Variants in AFAP1 observed in about 807,000 individuals in gnomAD.
The protein encoded by AFAP1 is actin filament associated protein 1.
Under a neutral mutation model 93.9 loss-of-function variants are expected in AFAP1, and 75 were observed. That is an observed-to-expected ratio of 0.80 (90% CI 0.66 to 0.97). The LOEUF (loss-of-function observed/expected upper bound fraction) is 0.97, where lower values mean the gene tolerates loss of function less well. AFAP1 is among the 50% of genes least tolerant of loss of function. The pLI is 0.00. For missense variants in AFAP1, 1,201 were observed against 1,050.8 expected, an observed-to-expected ratio of 1.14 and a Z score of -1.98; for synonymous variants, 517 against 430.7, an observed-to-expected ratio of 1.20 and a Z score of -2.48.
intron 14 of AFAP1, chr4:7,778,336 C>T (rs1267906831): frequency 3.8e-6 from 1 of 264,354 alleles, no homozygotes. Context: ...ATTACCTCAG[C>T]TATTCCAACC....
At chr4:7,930,252 C>A (rs747937516) in intron 1 of AFAP1, among the ~76,000 whole-genome samples, 7 of 152,216 alleles carry the variant, frequency 4.6e-5, no homozygotes, top group Non-Finnish European at 8.8e-5. Context: ...TCCCATGCCC[C>A]TGGGAGTGCC....
At chr4:7,793,455 T>C (rs995272665) in intron 11 of AFAP1, among the ~76,000 whole-genome samples, 24 of 152,186 alleles carry the variant, frequency 1.6e-4, no homozygotes, top group Non-Finnish European at 7.4e-5. Context: ...AAATATTTAC[T>C]ATCTAAGTCC....
chr4:7,923,803 C>G (rs963860945), intron 1 of AFAP1, among the ~76,000 whole-genome samples: 22 of 152,240 alleles, frequency 1.4e-4, no homozygotes, highest in African/African-American at 5.1e-4. Context: ...CCTGTCAGAC[C>G]AGGGCCCACG....
intron 1 of AFAP1, among the ~76,000 whole-genome samples, chr4:7,904,929 G>A (rs538360485): frequency 2.8e-4 from 42 of 152,124 alleles, no homozygotes; most frequent in Non-Finnish European, 5.7e-4. Context: ...GACTGGTCCC[G>A]AACTCTGGGC....
At chr4:7,874,877 T>C (rs115926555) in intron 1 of AFAP1, among the ~76,000 whole-genome samples, 1 of 152,110 alleles carries the variant, frequency 6.6e-6, no homozygotes, top group South Asian at 2.1e-4. Flanking sequence ...GTTAACATAA[T>C]AGGTTTATTG....
chr4:7,777,763 T>C (rs907336759), intron 14 of AFAP1: 1 of 152,242 alleles, frequency 6.6e-6, no homozygotes, highest in Non-Finnish European at 1.5e-5. Flanking sequence ...TTCCTGGACA[T>C]GCCCAGATGG....
chr4:7,808,439 T>A (rs530132225), intron 9 of AFAP1, among the ~76,000 whole-genome samples: 98 of 152,302 alleles, frequency 6.4e-4, no homozygotes, highest in Admixed American at 1.6e-3. Context: ...CTTGTACTTA[T>A]CTTTTGCTAC....
chr4:7,778,764 G>A lies in AFAP1; in HGVS notation c.1895C>T (p.Ser632Leu), dbSNP rs762810766. 31 of 1,613,610 alleles carry A rather than the reference G, an allele frequency of 1.9e-5. No individual in the cohort carries two copies. The South Asian group carries it at 2.7e-4, about 14-fold the overall frequency. The change falls in exon 14 of 18, where the codon TCG becomes TTG. Residue 632 changes from serine (S) to leucine (L), a missense_variant and splice_region_variant. Physicochemically the swap from Ser to Leu is moderately radical, Grantham distance 145. Coordinates refer to ENST00000420658, the MANE Select transcript of AFAP1 (RefSeq NM_001134647.2). ...DPAAVVKRTG[S>L]NAAQYKYGKN... ...AAGACATCCGATGGTATACTTACTC[G>A]AACCCGTCCTTTTCACAACAGCCGC...
chr4:7,824,034 A>C (rs913061720), intron 6 of AFAP1, among the ~76,000 whole-genome samples: 4 of 152,204 alleles, frequency 2.6e-5, no homozygotes, highest in African/African-American at 9.7e-5. Flanking sequence ...ATTTTCATGA[A>C]ACTGTCTTTC....
chr4:7,794,590 T>A (rs897295870), intron 10 of AFAP1, among the ~76,000 whole-genome samples: 1 of 152,120 alleles, frequency 6.6e-6, no homozygotes, highest in Non-Finnish European at 1.5e-5. Flanking sequence ...GGTGTGATCA[T>A]AGCTCACTGC....
chr4:7,820,404 A>C (rs1483018977), intron 6 of AFAP1, among the ~76,000 whole-genome samples: 1 of 152,202 alleles, frequency 6.6e-6, no homozygotes, highest in Admixed American at 6.5e-5. Flanking sequence ...GGTCTGGATG[A>C]GTTTACCAGG....
chr4:7,781,171 C>T (rs1276088055), intron 13 of AFAP1, among the ~76,000 whole-genome samples: 1 of 152,090 alleles, frequency 6.6e-6, no homozygotes, highest in African/African-American at 2.4e-5. Context: ...GGCAAAGAAA[C>T]ACAGTGCTCA....
At chr4:7,937,473 T>C (rs1041570603) in intron 1 of AFAP1, among the ~76,000 whole-genome samples, 2 of 152,208 alleles carry the variant, frequency 1.3e-5, no homozygotes, top group Non-Finnish European at 2.9e-5. Context: ...GAGCCGGACG[T>C]AGACCCAGTA....
At chr4:7,923,534 A>C (rs955494282) in intron 1 of AFAP1, among the ~76,000 whole-genome samples, 1 of 152,180 alleles carries the variant, frequency 6.6e-6, no homozygotes, top group Non-Finnish European at 1.5e-5. Flanking sequence ...GCTGGAGTAC[A>C]GTGGCACGAT....
In AFAP1 at chr4:7,774,767, G is replaced by T; in HGVS notation, c.2034C>A (p.Asp678Glu). The stretch of plus-strand genomic sequence containing the variant: ...CGTTCACTTCAATAGCCGCTCGAAG[G>T]TCTTTTCTTTCCTTGCGGAGCTGGG... The part of the protein sequence containing the change: ...RLAQLRKERK[D>E]LRAAIEVNAG... The change falls in exon 15 of 18, where the codon GAC (aspartate) becomes GAA (glutamate). Residue 678 changes from aspartate (D) to glutamate (E), a missense_variant. By Grantham distance (45) the Asp-to-Glu change is conservative. Transcript: ENST00000420658. 4 of 1,614,214 alleles carry T rather than the reference G, an allele frequency of 2.5e-6. No homozygotes were observed. Among genetic ancestry groups the T allele is most frequent in the Non-Finnish European group, 3.4e-6 (4 of 1,180,046 alleles).
intron 6 of AFAP1, among the ~76,000 whole-genome samples, chr4:7,827,911 G>T (rs1254707381): frequency 6.6e-6 from 1 of 152,128 alleles, no homozygotes; most frequent in Non-Finnish European, 1.5e-5. Flanking sequence ...ACTTCCAGAA[G>T]ATTCGCTGTA....
At chr4:7,793,341 A>C (rs1290668462) in intron 11 of AFAP1, among the ~76,000 whole-genome samples, 2 of 152,206 alleles carry the variant, frequency 1.3e-5, no homozygotes, top group African/African-American at 4.8e-5. Context: ...TTTGCAAATA[A>C]AGTTTTATTA....
At chr4:7,806,527 G>A (rs1435276341) in intron 9 of AFAP1, among the ~76,000 whole-genome samples, 1 of 152,172 alleles carries the variant, frequency 6.6e-6, no homozygotes, top group Non-Finnish European at 1.5e-5. Context: ...GTCCAGCTCG[G>A]CCCTTCATCT....
chr4:7,811,018 A>G (rs544686563), intron 8 of AFAP1, among the ~76,000 whole-genome samples: 1 of 152,316 alleles, frequency 6.6e-6, no homozygotes, highest in East Asian at 1.9e-4. Flanking sequence ...CCGAGTGACA[A>G]GATCCTTTGG....
Sources: gnomAD v4.1 joint callset for allele counts (sites outside exome capture counted in the v4.1 genomes callset) on GRCh38, gnomAD v4.1.1 for gene constraint, MANE v1.5 for transcripts, NCBI Gene and HGNC (gene_info 2026-07-23, HGNC 2026-07-21) for gene names.